The following GABRG3 variants were observed in gnomAD, a reference collection of about 807,000 sequenced individuals.
GABRG3 encodes the protein gamma-aminobutyric acid receptor subunit gamma-3.
A neutral mutation model predicts 48.8 loss-of-function variants in GABRG3; 25 were observed. That is an observed-to-expected ratio of 0.51 (90% confidence interval 0.37 to 0.72). The LOEUF is 0.72. GABRG3 is among the 30% of genes least tolerant of loss of function. GABRG3 has a pLI of 0.00. For missense variants in GABRG3, 394 were observed against 577.9 expected, an observed-to-expected ratio of 0.68 and a Z score of 3.26; for synonymous variants, 227 against 217.6, an observed-to-expected ratio of 1.04 and a Z score of -0.38.
intron 5 of GABRG3, among the ~76,000 whole-genome samples, chr15:27,478,772 C>A (rs899773116): frequency 6.6e-6 from 1 of 152,060 alleles, no homozygotes; most frequent in Non-Finnish European, 1.5e-5. Context: ...AATGGATAAA[C>A]AAAATATGGT....
chr15:27,285,731 CTT>C (rs1170587796), intron 3 of GABRG3, among the ~76,000 whole-genome samples: 1 of 152,102 alleles, frequency 6.6e-6, no homozygotes, highest in African/African-American at 2.4e-5. Flanking sequence ...ACTACAGAAT[CTT>C]TATCTTCTTG....
chr15:27,423,259 A>C (rs1032830603), intron 5 of GABRG3, among the ~76,000 whole-genome samples: 8 of 151,068 alleles, frequency 5.3e-5, no homozygotes, highest in Non-Finnish European at 8.9e-5. Context: ...AAAAAAAAAA[A>C]AAAAAACCTC....
intron 6 of GABRG3, among the ~76,000 whole-genome samples, chr15:27,487,812 C>A (rs1426867442): frequency 6.6e-6 from 1 of 152,072 alleles, no homozygotes; most frequent in Non-Finnish European, 1.5e-5. Flanking sequence ...AGATTTAGGG[C>A]TCTGGAAACT....
In GABRG3 at chr15:27,536,031, A is replaced by T. The variant is rs1249591792; in HGVS notation, c.*3150A>T. ...GAGTGATCTGCATTCCAAAGGTGCT[A>T]CTGTGTTCCTCACTTTCAGAAATAC... is the stretch of plus-strand genomic sequence containing the variant. On this transcript the variant is annotated 3_prime_UTR_variant, in exon 10 of 10. Coordinates refer to ENST00000615808, the MANE Select transcript of GABRG3 (RefSeq NM_033223.5). 2.0e-5 allele frequency: 3 copies of T among 152,220 alleles called. No homozygotes were observed. Among genetic ancestry groups the T allele is most frequent in the Non-Finnish European group, 4.4e-5 (3 of 68,062 alleles). 9.4% of individuals were successfully genotyped at this position (152,220 alleles called of 1,614,324 possible).
At chr15:27,349,697 T>C (rs1283884342) in intron 5 of GABRG3, among the ~76,000 whole-genome samples, 1 of 152,186 alleles carries the variant, frequency 6.6e-6, no homozygotes, top group Non-Finnish European at 1.5e-5. Flanking sequence ...GATAACAGAA[T>C]CCTGTCTGCT....
rs116361453 is a variant in GABRG3 at position 27,226,455 on chromosome 15, C to T, written c.271-100354C>T. On this transcript the variant is annotated intron_variant, in intron 3 of 9. Coordinates refer to ENST00000615808, the MANE Select transcript of GABRG3 (RefSeq NM_033223.5). Reference sequence around the variant, plus strand: ...CAGTGTCCTCACCCAGCTTCAGAGACGACGTGGCCCATGCTGATGCAGGAC... The same window carrying T: ...CAGTGTCCTCACCCAGCTTCAGAGATGACGTGGCCCATGCTGATGCAGGAC... Among the ~76,000 whole-genome samples the T allele has an allele frequency of 7.5e-3, 1,141 of 152,280 alleles. 27 individuals carry two copies. Among genetic ancestry groups the T allele is most frequent in the African/African-American group, 0.026 (1,062 of 41,536 alleles).
chr15:27,341,045 T>C, intron 5 of GABRG3: 1 of 476,138 alleles, frequency 2.1e-6, no homozygotes, highest in Admixed American at 2.3e-5. Context: ...TTCAGAGGCC[T>C]GAAAGCTTCT....
intron 5 of GABRG3, among the ~76,000 whole-genome samples, chr15:27,332,383 A>G (rs1295236413): frequency 6.6e-6 from 1 of 152,148 alleles, no homozygotes; most frequent in Non-Finnish European, 1.5e-5. Flanking sequence ...GCATAGTGGC[A>G]TGTGCCAGCT....
chr15:27,354,503 T>G (rs1347845425), intron 5 of GABRG3, among the ~76,000 whole-genome samples: 1 of 152,196 alleles, frequency 6.6e-6, no homozygotes, highest in African/African-American at 2.4e-5. Context: ...AGTCCCCGTG[T>G]GGGTGGCACT....
At chr15:27,027,866 C>T (rs1022242047) in intron 3 of GABRG3, among the ~76,000 whole-genome samples, 1 of 152,164 alleles carries the variant, frequency 6.6e-6, no homozygotes, top group Non-Finnish European at 1.5e-5. Context: ...GTAACCCTTT[C>T]TTATGTATGT....
chr15:26,983,397 C>T (rs1238728387), intron 2 of GABRG3, among the ~76,000 whole-genome samples: 1 of 152,142 alleles, frequency 6.6e-6, no homozygotes, highest in African/African-American at 2.4e-5. Flanking sequence ...GAAGGGGACT[C>T]TCCAGATAGC....
chr15:27,142,880 T>C (rs993283416), intron 3 of GABRG3, among the ~76,000 whole-genome samples: 4 of 151,940 alleles, frequency 2.6e-5, no homozygotes, highest in Non-Finnish European at 5.9e-5. Flanking sequence ...GCCTTCCCAG[T>C]AGCTGGGGGG....
At chr15:27,047,011 A>T (rs1896377216) in intron 3 of GABRG3, among the ~76,000 whole-genome samples, 1 of 152,198 alleles carries the variant, frequency 6.6e-6, no homozygotes, top group Non-Finnish European at 1.5e-5. Context: ...GGATGGTGAA[A>T]GACGATGTAA....
At chr15:27,334,338 G>T (rs1009029547) in intron 5 of GABRG3, among the ~76,000 whole-genome samples, 18 of 152,014 alleles carry the variant, frequency 1.2e-4, no homozygotes, top group African/African-American at 4.1e-4. Context: ...TAATATAGGG[G>T]TTCACCGGAC....
intron 3 of GABRG3, among the ~76,000 whole-genome samples, chr15:27,297,583 C>T (rs1892039557): frequency 5.5e-5 from 6 of 109,560 alleles, no homozygotes. Flanking sequence ...CTAGGAGCAA[C>T]AGGCTATACC....
intron 5 of GABRG3, among the ~76,000 whole-genome samples, chr15:27,388,017 G>T (rs1304014074): frequency 2.4e-5 from 2 of 84,806 alleles, no homozygotes; most frequent in Non-Finnish European, 4.8e-5. Flanking sequence ...GAAGGAAAGG[G>T]AGGAGGGAGG....
At position 27,308,176 on chromosome 15, in the gene GABRG3, A is replaced by ATATCCAAACATATATAAACATGTTTATG. The variant is rs1892767759; in HGVS notation, c.271-18606_271-18605insGTATCCAAACATATATAAACATGTTTAT. Among the ~76,000 whole-genome samples the ATATCCAAACATATATAAACATGTTTATG allele has an allele frequency of 2.3e-5, 2 of 85,120 alleles. 1 individual carries two copies. Among genetic ancestry groups the ATATCCAAACATATATAAACATGTTTATG allele is most frequent in the Non-Finnish European group, 5.3e-5 (2 of 38,062 alleles). The allele number at this position is 85,120 out of a possible 152,430, so 55.8% of individuals were successfully genotyped here. On this transcript the variant is annotated intron_variant, in intron 3 of 9. Transcript: ENST00000615808. Reference sequence around the variant, plus strand: ...AACATATATAAACATATATGTTTATATATCCAAACATATATAAACATGTTT... The same window carrying ATATCCAAACATATATAAACATGTTTATG: ...AACATATATAAACATATATGTTTATATATCCAAACATATATAAACATGTTTATGTATCCAAACATATATAAACATGTTT...
intron 6 of GABRG3, among the ~76,000 whole-genome samples, chr15:27,489,545 C>T (rs1454299775): frequency 6.6e-6 from 1 of 152,150 alleles, no homozygotes; most frequent in African/African-American, 2.4e-5. Context: ...TCTGTTGTTT[C>T]CTGACTTTTT....
chr15:27,245,288 T>C (rs2140456063), intron 3 of GABRG3, among the ~76,000 whole-genome samples: 1 of 152,294 alleles, frequency 6.6e-6, no homozygotes, highest in Middle Eastern at 3.4e-3. Flanking sequence ...ACACCAGATT[T>C]TTCAAGGGGC....
Sources: allele counts gnomAD v4.1 joint callset (sites outside exome capture counted in the v4.1 genomes callset), GRCh38; gene constraint gnomAD v4.1.1; transcripts MANE v1.5; gene names NCBI Gene and HGNC (gene_info 2026-07-23, HGNC 2026-07-21).